The following CLNK variants were observed in gnomAD, a reference collection of about 807,000 sequenced individuals.
The protein encoded by CLNK is cytokine-dependent hematopoietic cell linker.
CLNK carries 74 observed loss-of-function variants against 68.6 expected under a neutral mutation model. The ratio of observed to expected loss-of-function variants is 1.08; its 90% CI spans 0.89 to 1.31. CLNK has a LOEUF of 1.31. Ranked by LOEUF, CLNK falls within the 50% of genes most tolerant of loss-of-function variation. The pLI is 0.00. For synonymous variants in CLNK, 198 were observed against 172.2 expected, an observed-to-expected ratio of 1.15 and a Z score of -1.17; for missense variants, 553 against 515.3, an observed-to-expected ratio of 1.07 and a Z score of -0.71.
At chr4:10,615,894 GGAA>G (rs1287990070) in intron 2 of CLNK, among the ~76,000 whole-genome samples, 1 of 152,248 alleles carries the variant, frequency 6.6e-6, no homozygotes, top group Non-Finnish European at 1.5e-5. Flanking sequence ...TGCATGGAGA[GGAA>G]GAAGAAGAGC....
chr4:10,502,199 G>A (rs764118505), intron 17 of CLNK, among the ~76,000 whole-genome samples: 3 of 152,168 alleles, frequency 2.0e-5, no homozygotes, highest in Non-Finnish European at 4.4e-5. Context: ...AAGGAAAGAG[G>A]TTTAATTGAC....
At chr4:10,634,109 T>C (rs1722991058) in intron 2 of CLNK, among the ~76,000 whole-genome samples, 1 of 152,172 alleles carries the variant, frequency 6.6e-6, no homozygotes, top group Non-Finnish European at 1.5e-5. Context: ...TCACTCCCCT[T>C]GGATAATACT....
intron 14 of CLNK, among the ~76,000 whole-genome samples, chr4:10,522,735 C>A (rs1423812516): frequency 1.3e-5 from 2 of 152,170 alleles, no homozygotes; most frequent in African/African-American, 4.8e-5. Flanking sequence ...AGAAACACAT[C>A]CTTGTATCAT....
At chr4:10,515,689 A>C (rs910871549) in intron 15 of CLNK, among the ~76,000 whole-genome samples, 3 of 152,230 alleles carry the variant, frequency 2.0e-5, no homozygotes, top group African/African-American at 7.2e-5. Flanking sequence ...CTGCCACTGT[A>C]ACATAACAGA....
intron 1 of CLNK, among the ~76,000 whole-genome samples, chr4:10,678,150 C>T (rs1392627879): frequency 1.3e-5 from 2 of 152,212 alleles, no homozygotes; most frequent in African/African-American, 2.4e-5. Context: ...TTCAGGATCA[C>T]TTATCTAGCA....
At chr4:10,564,635 C>T in intron 7 of CLNK, 36 bp downstream of exon 7, 3 of 1,413,648 alleles carry the variant, frequency 2.1e-6, no homozygotes, top group Non-Finnish European at 3.0e-6. Flanking sequence ...AAGAGCCCTA[C>T]ACATGTTTGT....
intron 2 of CLNK, among the ~76,000 whole-genome samples, chr4:10,652,078 A>G (rs1723764216): frequency 6.6e-6 from 1 of 152,138 alleles, no homozygotes; most frequent in African/African-American, 2.4e-5. Context: ...GGAGAAAATT[A>G]TCTAGTTAAA....
At chr4:10,503,015 T>G (rs1252798526) in intron 17 of CLNK, among the ~76,000 whole-genome samples, 1 of 152,154 alleles carries the variant, frequency 6.6e-6, no homozygotes, top group Non-Finnish European at 1.5e-5. Flanking sequence ...AAGATCTGGT[T>G]GTAAAAGATT....
intron 1 of CLNK, among the ~76,000 whole-genome samples, chr4:10,675,868 T>C (rs1577213969): frequency 6.6e-6 from 1 of 152,270 alleles, no homozygotes. Flanking sequence ...AAGGTCTATA[T>C]TAAGGCTTAA....
intron 3 of CLNK, among the ~76,000 whole-genome samples, chr4:10,590,777 C>A (rs142493674): frequency 6.6e-6 from 1 of 152,228 alleles, no homozygotes; most frequent in East Asian, 1.9e-4. Context: ...GCATTCATCA[C>A]CTTCTTTCCT....
intron 2 of CLNK, among the ~76,000 whole-genome samples, chr4:10,616,795 T>C (rs5010883): frequency 0.77 from 101,991 of 133,076 alleles, 36,940 homozygotes; most frequent in Non-Finnish European, 0.82. Context: ...TGTGTGTATA[T>C]ATATATATAT....
intron 16 of CLNK, among the ~76,000 whole-genome samples, chr4:10,509,055 C>T (rs1717448671): frequency 1.5e-5 from 2 of 135,750 alleles, no homozygotes; most frequent in Admixed American, 1.7e-4. Flanking sequence ...TGCAGTGAGC[C>T]GAGATCGTGC....
At chr4:10,647,689 T>C (rs1723564160) in intron 2 of CLNK, among the ~76,000 whole-genome samples, 1 of 152,160 alleles carries the variant, frequency 6.6e-6, no homozygotes, top group African/African-American at 2.4e-5. Context: ...GTGAGGCCTT[T>C]CCTATATATC....
intron 2 of CLNK, among the ~76,000 whole-genome samples, chr4:10,598,946 G>T (rs1425450333): frequency 6.6e-6 from 1 of 152,164 alleles, no homozygotes; most frequent in Non-Finnish European, 1.5e-5. Context: ...GGCCCTTTCA[G>T]GTACCGTTCC....
chr4:10,589,842 AT>A (rs796334181), intron 3 of CLNK, among the ~76,000 whole-genome samples: 81 of 152,344 alleles, frequency 5.3e-4, no homozygotes, highest in African/African-American at 1.8e-3. Context: ...GATGTACTCT[AT>A]CTGTGCTCAA....
rs1215486949 is a variant in CLNK at position 10,643,170 on chromosome 4, T to A, written c.11+24689A>T. Among the ~76,000 whole-genome samples, 3 of 152,208 alleles carry A rather than the reference T, an allele frequency of 2.0e-5. No individual in the cohort carries two copies. The East Asian group carries it at 5.8e-4, about 29-fold the overall frequency. On this transcript the variant is annotated intron_variant, in intron 2 of 18. Transcript: ENST00000226951. ...ATGTCACCTGGAAAAGAATGAATCT[T>A]CCTGGAAGTTACAAATAGTTCTTTA...
intron 2 of CLNK, among the ~76,000 whole-genome samples, chr4:10,631,584 C>A (rs1722893383): frequency 6.6e-6 from 1 of 152,032 alleles, no homozygotes; most frequent in African/African-American, 2.4e-5. Flanking sequence ...TGGTCAGGAA[C>A]TAGGGGTAAA....
At chr4:10,563,831 C>G (rs188668866) in intron 7 of CLNK, among the ~76,000 whole-genome samples, 21 of 152,160 alleles carry the variant, frequency 1.4e-4, no homozygotes, top group South Asian at 1.0e-3. Flanking sequence ...CACTTGAACC[C>G]GGGAGGTGGA....
chr4:10,727,299 C>A, the CLNK span, among the ~76,000 whole-genome samples: 1 of 152,170 alleles, frequency 6.6e-6, no homozygotes, highest in Non-Finnish European at 1.5e-5. Flanking sequence ...GCAGGTGGGG[C>A]TCATACTGAA....
Sources: allele counts gnomAD v4.1 joint callset (sites outside exome capture counted in the v4.1 genomes callset), GRCh38; gene constraint gnomAD v4.1.1; transcripts MANE v1.5; gene names NCBI Gene and HGNC (gene_info 2026-07-23, HGNC 2026-07-21).